BTBD1: variants seen among roughly 807,000 people sequenced by gnomAD.
BTBD1 encodes BTB/POZ domain-containing protein 1.
In BTBD1, 34 loss-of-function variants were observed where a neutral mutation model predicts 48.0. That is an observed-to-expected ratio of 0.71 (90% confidence interval 0.54 to 0.94). The LOEUF is 0.94. Among genes scored for constraint, BTBD1 ranks in the 40% least tolerant of loss-of-function variants. The pLI is 0.00. For synonymous variants in BTBD1, 261 were observed against 242.1 expected (o/e 1.08, Z -0.72); for missense variants, 543 against 625.6 (o/e 0.87, Z 1.41).
chr15:83,051,906 C>CACACACACACACA (rs2032994565), intron 2 of BTBD1, among the ~76,000 whole-genome samples: 1 of 16,354 alleles, frequency 6.1e-5, no homozygotes, highest in Non-Finnish European at 1.2e-4. Flanking sequence ...ACACACACAT[C>CACACACACACACA]TATCTGGGAG....
intron 4 of BTBD1, among the ~76,000 whole-genome samples, chr15:83,035,901 T>A (rs936934966): frequency 2.5e-4 from 38 of 151,600 alleles, no homozygotes; most frequent in Middle Eastern, 3.4e-3. Context: ...GAAAAAAAAA[T>A]ATATATAGAC....
intron 4 of BTBD1, among the ~76,000 whole-genome samples, chr15:83,040,281 T>C (rs2032725039): frequency 2.0e-5 from 3 of 152,164 alleles, no homozygotes; most frequent in African/African-American, 2.4e-5. Flanking sequence ...AACTAACTAC[T>C]GGACACTATG....
At chr15:83,025,010 G>A (rs540931284) in intron 5 of BTBD1, among the ~76,000 whole-genome samples, 3 of 152,224 alleles carry the variant, frequency 2.0e-5, no homozygotes, top group Non-Finnish European at 4.4e-5. Flanking sequence ...CTTGTCATCT[G>A]TATTACTCTT....
Position 83,030,258 on chromosome 15 carries a change from A to T in BTBD1, c.933T>A (p.Pro311=), listed in dbSNP as rs766863988. Residue 311 remains proline, a synonymous_variant, in exon 5 of 8, where the codon CCT becomes CCA. Coordinates refer to ENST00000261721, the MANE Select transcript of BTBD1 (RefSeq NM_025238.4). ...GGTCAATGTATTCAACTCGGGGTTT[A>T]GGGTTGACAGTAAAATGAAGAAAGA... is the stretch of plus-strand genomic sequence containing the variant. The part of the protein sequence containing the change: ...VNLFLHFTVN[P]KPRVEYIDRP... 7 of 1,614,004 alleles carry T rather than the reference A, an allele frequency of 4.3e-6. No homozygotes were observed. In the African/African-American group the frequency reaches 6.7e-5, roughly 15 times the overall value.
At chr15:83,059,302 T>A (rs1723583372) in intron 1 of BTBD1, among the ~76,000 whole-genome samples, 1 of 152,136 alleles carries the variant, frequency 6.6e-6, no homozygotes, top group Non-Finnish European at 1.5e-5. Flanking sequence ...TCCCAGCACT[T>A]TGGGAGGCAA....
At position 83,018,061 on chromosome 15, in the gene BTBD1, G is replaced by A; in HGVS notation, c.*6C>T. ...TTATTTAGCCAAGATGTATTATAAT[G>A]CTAAATTATGTATAAAATATGATTT... On this transcript the variant is annotated 3_prime_UTR_variant, in exon 8 of 8. Transcript: ENST00000261721. 6.3e-7 allele frequency: 1 copy of A among 1,585,368 alleles called. No homozygotes were observed. The highest frequency in any genetic ancestry group is 8.6e-7 in the Non-Finnish European group (1 of 1,160,438).
chr15:83,018,833 CT>C lies in BTBD1; in HGVS notation c.1163del (p.Lys388SerfsTer28). On this transcript the variant is annotated frameshift_variant, in exon 7 of 8. Coordinates refer to ENST00000261721, the MANE Select transcript of BTBD1 (RefSeq NM_025238.4). LOFTEE classifies it high-confidence loss of function. Reference protein sequence around the residue: ...VNIQIIEYEKKQTLGQNDTGF... With the variant: ...VNIQIIEYEKXQTLGQNDTGF... ...CGGTATCATTCTGTCCCAGGGTTTG[CT>C]TTTTCTCATATTCAATGATCTGTAA... 1 of 1,613,266 alleles carries C rather than the reference CT, an allele frequency of 6.2e-7. No individual in the cohort carries two copies. The highest frequency in any genetic ancestry group is 8.5e-7 in the Non-Finnish European group (1 of 1,179,696).
At chr15:83,050,353 A>G (rs576485987) in intron 2 of BTBD1, among the ~76,000 whole-genome samples, 175 bp from the exon 3 acceptor site, 1 of 152,316 alleles carries the variant, frequency 6.6e-6, no homozygotes, top group East Asian at 1.9e-4. Context: ...ACAATCAGAA[A>G]TGAAAAGCTA....
chr15:83,020,562 C>G (rs2032274275), intron 6 of BTBD1, 113 bp downstream of exon 6: 3 of 698,706 alleles, frequency 4.3e-6, no homozygotes, highest in Non-Finnish European at 7.3e-6. Flanking sequence ...TACTAAGGGG[C>G]CTTCTGATTG....
intron 5 of BTBD1, chr15:83,028,491 ATTT>A (rs796796862): frequency 5.3e-5 from 8 of 152,066 alleles, no homozygotes; most frequent in African/African-American, 1.9e-4. Flanking sequence ...TTGATCTAGA[ATTT>A]TTTTTGTCTA....
At position 83,067,197 on chromosome 15, in the gene BTBD1, C is replaced by T. The variant is rs2033301539; in HGVS notation, c.-46G>A. 5 of 1,356,392 alleles carry T rather than the reference C, an allele frequency of 3.7e-6. No individual in the cohort carries two copies. Among genetic ancestry groups the T allele is most frequent in the African/African-American group, 3.0e-5 (2 of 66,112 alleles). The allele number at this position is 1,356,392 out of a possible 1,614,324, so 84.0% of individuals were successfully genotyped here. ...CACGTTATGGACAAAACTCCGCCGC[C>T]ATCGCCCAGGCCGCCTCCGGAGGCC... is the stretch of plus-strand genomic sequence containing the variant. On this transcript the variant is annotated 5_prime_UTR_variant, in exon 1 of 8. It removes an upstream start codon present in the reference 5' UTR. Transcript: ENST00000261721.
intron 2 of BTBD1, among the ~76,000 whole-genome samples, chr15:83,052,401 T>C (rs934725576): frequency 1.3e-5 from 2 of 152,152 alleles, no homozygotes; most frequent in African/African-American, 4.8e-5. Flanking sequence ...TTAAATTTCC[T>C]AAGATTAAGG....
rs554570657 is a variant in BTBD1 at position 83,028,513 on chromosome 15, C to G, written c.1055+1623G>C. 2.0e-5 allele frequency: 3 copies of G among 152,076 alleles called. No homozygotes were observed. The South Asian group carries it at 6.2e-4, about 31-fold the overall frequency. The allele number at this position is 152,076 out of a possible 1,614,324, so 9.4% of individuals were successfully genotyped here. On this transcript the variant is annotated intron_variant, in intron 5 of 7. Transcript: ENST00000261721. ...AGAATTTTTTTTGTCTAGTCTGATG[C>G]CTATATAAGGGTTATGCTTCCTTCA...
intron 6 of BTBD1, chr15:83,020,381 T>C (rs1567100956): frequency 4.1e-6 from 1 of 243,408 alleles, no homozygotes; most frequent in East Asian, 8.5e-5. Flanking sequence ...GAAAGGGCCA[T>C]GAAAAAGGCA....
At chr15:83,027,506 G>A (rs527673774) in intron 5 of BTBD1, among the ~76,000 whole-genome samples, 1 of 152,276 alleles carries the variant, frequency 6.6e-6, no homozygotes, top group South Asian at 2.1e-4. Context: ...ACCTGCCCAA[G>A]AGCCAGAGTT....
chr15:83,027,685 T>A (rs559165293), intron 5 of BTBD1, among the ~76,000 whole-genome samples: 1 of 152,318 alleles, frequency 6.6e-6, no homozygotes, highest in South Asian at 2.1e-4. Flanking sequence ...ACTTTACAGG[T>A]TACAGATAAA....
chr15:83,039,369 AAC>A (rs1746820957), intron 4 of BTBD1, among the ~76,000 whole-genome samples: 1 of 152,206 alleles, frequency 6.6e-6, no homozygotes, highest in South Asian at 2.1e-4. Context: ...AAATAAAAAA[AAC>A]AGTTGCTGGC....
At chr15:83,052,486 G>A (rs2033006435) in intron 2 of BTBD1, among the ~76,000 whole-genome samples, 1 of 151,908 alleles carries the variant, frequency 6.6e-6, no homozygotes, top group Admixed American at 6.6e-5. Flanking sequence ...CTAATCCACT[G>A]GCTGTATTTC....
chr15:83,020,112 G>T (rs1567100870), intron 6 of BTBD1: 1 of 149,490 alleles, frequency 6.7e-6, no homozygotes, highest in South Asian at 2.2e-4. Context: ...AAAAAAAAAA[G>T]AAAGAAAAAT....
Sources: gnomAD v4.1 joint callset for allele counts (sites outside exome capture counted in the v4.1 genomes callset) on GRCh38, gnomAD v4.1.1 for gene constraint, MANE v1.5 for transcripts, NCBI Gene and HGNC (gene_info 2026-07-23, HGNC 2026-07-21) for gene names.